Variants in SAFB observed in about 807,000 individuals in gnomAD.
The protein encoded by SAFB is scaffold attachment factor B1.
A neutral mutation model predicts 101.6 loss-of-function variants in SAFB; 15 were observed. That is an observed-to-expected ratio of 0.15 (90% CI 0.10 to 0.23). The LOEUF is 0.23. Ranked by LOEUF, SAFB falls within the 10% of genes least tolerant of loss-of-function variation. The pLI is 1.00. For missense variants in SAFB, 930 were observed against 1,104.1 expected (o/e 0.84, Z 2.23); for synonymous variants, 449 against 407.5 (o/e 1.10, Z -1.23).
chr19:5,640,381 T>C (rs1457661169), intron 2 of SAFB, among the ~76,000 whole-genome samples: 9 of 146,112 alleles, frequency 6.2e-5, no homozygotes, highest in South Asian at 4.5e-4. Context: ...TTTTTTTTTT[T>C]CTGGAGATGG....
chr19:5,642,701 T>C (rs1485213315), intron 4 of SAFB, among the ~76,000 whole-genome samples: 1 of 142,532 alleles, frequency 7.0e-6, no homozygotes, highest in African/African-American at 2.6e-5. Flanking sequence ...TTGCTGTTGT[T>C]GCCCAGGCTG....
intron 4 of SAFB, chr19:5,642,156 G>A (rs1004509959): frequency 3.2e-5 from 20 of 632,388 alleles, no homozygotes; most frequent in Middle Eastern, 4.0e-4. Flanking sequence ...ATCCATTTGC[G>A]GCATACAGTA....
chr19:5,667,547 C>G lies in SAFB; in HGVS notation c.2557+97C>G, dbSNP rs1414045736. 4.6e-6 allele frequency: 4 copies of G among 871,342 alleles called. No individual in the cohort carries two copies. Among genetic ancestry groups the G allele is most frequent in the South Asian group, 3.2e-5 (2 of 62,700 alleles). 54.0% of individuals were successfully genotyped at this position (871,342 alleles called of 1,614,324 possible). On this transcript the variant is annotated intron_variant, in intron 19 of 20. Transcript: ENST00000588852. This position sits in a 1 kb window ranked among gnomAD's most constrained non-coding sequence, Gnocchi z 4.0. Reference sequence around the variant, plus strand: ...TCCTTGGGGGAGCACAGGAGGTGCTCTGCTCTCAGTGCTGGAATGAGGAAT... The same window carrying G: ...TCCTTGGGGGAGCACAGGAGGTGCTGTGCTCTCAGTGCTGGAATGAGGAAT...
At chr19:5,659,850 C>G (rs1310672972) in intron 14 of SAFB, among the ~76,000 whole-genome samples, 1 of 152,202 alleles carries the variant, frequency 6.6e-6, no homozygotes, top group East Asian at 1.9e-4. Context: ...CTAGGCCCCT[C>G]TCCATATCTG....
intron 14 of SAFB, among the ~76,000 whole-genome samples, chr19:5,660,704 CAAAA>C (rs60011056): frequency 0.021 from 1,591 of 76,564 alleles, 39 homozygotes; most frequent in African/African-American, 0.072. Context: ...CCATCTCTAC[CAAAA>C]AAAAAAAAAA....
intron 5 of SAFB, among the ~76,000 whole-genome samples, chr19:5,645,638 C>T (rs1164708815): frequency 6.6e-6 from 1 of 152,200 alleles, no homozygotes; most frequent in Non-Finnish European, 1.5e-5. Flanking sequence ...TACCAGCAGT[C>T]ATTAGAGTCA....
Position 5,667,880 on chromosome 19 carries a change from T to A in SAFB, c.2618T>A (p.Met873Lys). The A allele has an allele frequency of 6.2e-7, 1 of 1,608,216 alleles. No homozygotes were observed. The highest frequency in any genetic ancestry group is 8.5e-7 in the Non-Finnish European group (1 of 1,177,242). The change falls in exon 20 of 21, where the codon ATG becomes AAG. Residue 873 changes from methionine to lysine, a missense_variant. By Grantham distance (95) the Met-to-Lys change is moderately conservative (BLOSUM62 -1). Around this residue, in one of 7 missense-constraint regions of SAFB, gnomAD observed 318 missense variants for 342.6 expected, o/e 0.93. Coordinates refer to ENST00000588852, the MANE Select transcript of SAFB (RefSeq NM_001201338.2). The surrounding 1 kb of genome is among the most constrained non-coding windows in gnomAD (Gnocchi z 4.0). ...GGCCACATGATGAACCGAGGAGGAATGTCAGGGTAAGGCATGCTGGGGGCG... is the reference window on the plus strand; with the variant it reads ...GGCCACATGATGAACCGAGGAGGAAAGTCAGGGTAAGGCATGCTGGGGGCG... Reference protein sequence around the residue: ...GPGHMMNRGGMSGRGSFAPGG... With the variant: ...GPGHMMNRGGKSGRGSFAPGG...
In SAFB at chr19:5,667,485, C is replaced by T. The variant is rs1368092387; in HGVS notation, c.2557+35C>T. The stretch of plus-strand genomic sequence containing the variant: ...AGCTCTGGGCTGGGACCAGGATGTG[C>T]TGGGGAGTGATGGAAAGATGGAGGC... On this transcript the variant is annotated intron_variant, in intron 19 of 20. Coordinates refer to ENST00000588852, the MANE Select transcript of SAFB (RefSeq NM_001201338.2). The surrounding 1 kb of genome is among the most constrained non-coding windows in gnomAD (Gnocchi z 4.0). The T allele has an allele frequency of 1.4e-6, 2 of 1,415,874 alleles. No individual in the cohort carries two copies. Among genetic ancestry groups the T allele is most frequent in the African/African-American group, 1.5e-5 (1 of 68,484 alleles). The allele number at this position is 1,415,874 out of a possible 1,614,324, so 87.7% of individuals were successfully genotyped here. A position where few individuals can be genotyped will look rare whatever the true frequency, so the allele number is the denominator to read the frequency against.
chr19:5,650,691 G>A (rs1026417387), intron 8 of SAFB, among the ~76,000 whole-genome samples: 3 of 152,172 alleles, frequency 2.0e-5, no homozygotes, highest in African/African-American at 7.2e-5. Context: ...GATTACAGGC[G>A]TGAGCCACCA....
rs1568274270 is a variant in SAFB at position 5,657,230 on chromosome 19, T to C, written c.1756-11T>C. 1 of 1,609,756 alleles carries C rather than the reference T, an allele frequency of 6.2e-7. No individual in the cohort carries two copies. Among genetic ancestry groups the C allele is most frequent in the Admixed American group, 1.7e-5 (1 of 59,928 alleles). Reference sequence around the variant, plus strand: ...TCTGCTTTAACTTTTTAATGTTCTTTGGTGAACTAGGCTTCCAAAAGCCAG... The same window carrying C: ...TCTGCTTTAACTTTTTAATGTTCTTCGGTGAACTAGGCTTCCAAAAGCCAG... On this transcript the variant is annotated splice_polypyrimidine_tract_variant and intron_variant, in intron 13 of 20. Coordinates refer to ENST00000588852, the MANE Select transcript of SAFB (RefSeq NM_001201338.2).
In SAFB at chr19:5,623,162, G is replaced by C; in HGVS notation, c.-44G>C. On this transcript the variant is annotated 5_prime_UTR_variant, in exon 1 of 21. Transcript: ENST00000588852. Reference sequence around the variant, plus strand: ...TTGTGCTAGGAGCCTGATAAAACCGGCCCGGTTCTGTGGAAAGTGGGCGGC... The same window carrying C: ...TTGTGCTAGGAGCCTGATAAAACCGCCCCGGTTCTGTGGAAAGTGGGCGGC... The C allele has an allele frequency of 1.3e-6, 2 of 1,543,560 alleles. No homozygotes were observed. The highest frequency in any genetic ancestry group is 1.2e-5 in the South Asian group (1 of 84,254).
intron 2 of SAFB, among the ~76,000 whole-genome samples, chr19:5,636,011 G>A (rs990938813): frequency 6.6e-6 from 1 of 151,976 alleles, no homozygotes; most frequent in Non-Finnish European, 1.5e-5. Flanking sequence ...TTCCAGTCAG[G>A]GATGTGCTTT....
In SAFB at chr19:5,623,094, G is replaced by T. The variant is rs1475640669; in HGVS notation, c.-112G>T. On this transcript the variant is annotated 5_prime_UTR_variant, in exon 1 of 21. Transcript: ENST00000588852. ...TGGTGCGCCTGCGCAGAAGCGAGGC[G>T]CGCTGGGGCGACTGGAGCGGTTCCC... is the stretch of plus-strand genomic sequence containing the variant. 1 of 1,141,232 alleles carries T rather than the reference G, an allele frequency of 8.8e-7. No homozygotes were observed. The highest frequency in any genetic ancestry group is 1.3e-6 in the Non-Finnish European group (1 of 796,006). 70.7% of individuals were successfully genotyped at this position (1,141,232 alleles called of 1,614,324 possible).
chr19:5,625,854 C>G (rs908021447), intron 1 of SAFB, among the ~76,000 whole-genome samples: 2 of 152,158 alleles, frequency 1.3e-5, no homozygotes, highest in South Asian at 2.1e-4. Context: ...TCATGCATGT[C>G]GTGACGGGTC....
At chr19:5,664,549 AAG>A in intron 17 of SAFB, 110 bp downstream of exon 17, 2 of 842,142 alleles carry the variant, frequency 2.4e-6, no homozygotes, top group Non-Finnish European at 2.0e-6. Context: ...AAAATGAGGA[AAG>A]AGAAAAGTAA....
intron 4 of SAFB, among the ~76,000 whole-genome samples, chr19:5,643,673 G>A (rs1568261258): frequency 6.6e-6 from 1 of 152,122 alleles, no homozygotes; most frequent in South Asian, 2.1e-4. Flanking sequence ...TAAATGCCTG[G>A]AAGCAGTTTA....
Position 5,667,131 on chromosome 19 carries a change from T to G in SAFB, c.2420T>G (p.Met807Arg). The change falls in exon 18 of 21, where the codon ATG becomes AGG. Residue 807 changes from methionine (M) to arginine (R), a missense_variant. Met to Arg is a moderately conservative substitution (Grantham distance 91). Coordinates refer to ENST00000588852, the MANE Select transcript of SAFB (RefSeq NM_001201338.2). The surrounding 1 kb of genome is among the most constrained non-coding windows in gnomAD (Gnocchi z 4.0). ...GGGGGCTATGGCTCTGACAAGAGGA[T>G]GAGCGAGGGCCGGGGGCTGCCTCCT... Reference protein sequence around the residue: ...GWGGYGSDKRMSEGRGLPPPP... With the variant: ...GWGGYGSDKRRSEGRGLPPPP... 1 of 1,609,808 alleles carries G rather than the reference T, an allele frequency of 6.2e-7. No homozygotes were observed. The highest frequency in any genetic ancestry group is 8.5e-7 in the Non-Finnish European group (1 of 1,177,274).
chr19:5,628,106 C>G (rs2053407658), intron 2 of SAFB, among the ~76,000 whole-genome samples: 1 of 152,086 alleles, frequency 6.6e-6, no homozygotes, highest in Non-Finnish European at 1.5e-5. Context: ...TAAAAATTAG[C>G]CAGGTGTGGT....
At chr19:5,650,043 C>A in intron 8 of SAFB, 68 bp downstream of exon 8, 1 of 1,266,612 alleles carries the variant, frequency 7.9e-7, no homozygotes, top group Non-Finnish European at 1.2e-6. Context: ...GTATTTGATT[C>A]TGGTTCATCG....
Sources: gnomAD v4.1 joint callset for allele counts (sites outside exome capture counted in the v4.1 genomes callset) on GRCh38, gnomAD v4.1.1 for gene constraint, gnomAD v4.1.1 regional missense constraint, Gnocchi (gnomAD v3.1) non-coding constraint, MANE v1.5 for transcripts, NCBI Gene and HGNC (gene_info 2026-07-23, HGNC 2026-07-21) for gene names.